MTERF4: variants seen among roughly 807,000 people sequenced by gnomAD.
MTERF4 encodes mitochondrial transcription termination factor 4.
A neutral mutation model predicts 22.5 loss-of-function variants in MTERF4; 17 were observed. The ratio of observed to expected loss-of-function variants is 0.75; its 90% CI spans 0.52 to 1.13. The LOEUF is 1.13. MTERF4 is among the 50% of genes most tolerant of loss of function. MTERF4 has a pLI of 0.00. For missense variants in MTERF4, 420 were observed against 466.8 expected, an observed-to-expected ratio of 0.90 and a Z score of 0.92; for synonymous variants, 165 against 175.3, an observed-to-expected ratio of 0.94 and a Z score of 0.47.
the MTERF4 span, among the ~76,000 whole-genome samples, chr2:241,056,426 A>G: frequency 6.6e-6 from 1 of 151,966 alleles, no homozygotes; most frequent in Non-Finnish European, 1.5e-5. Context: ...GAAATGAATA[A>G]ATTGGATAGG....
At chr2:241,063,961 C>A in the MTERF4 span, 1 of 1,324,064 alleles carries the variant, frequency 7.6e-7, no homozygotes, top group Non-Finnish European at 1.1e-6. Flanking sequence ...TCTCCTCCCT[C>A]CCCCAGACTC....
the MTERF4 span, chr2:241,051,899 G>A: frequency 1.2e-4 from 179 of 1,505,708 alleles, no homozygotes; most frequent in Non-Finnish European, 1.5e-4. This position sits in a 1 kb window ranked among gnomAD's most constrained non-coding sequence, Gnocchi z 4.7. Context: ...CAGGAACGAC[G>A]GGCCAGCCCT....
Position 241,095,728 on chromosome 2 carries a change from G to A in MTERF4, c.*270C>T, listed in dbSNP as rs74420864. ...AATTGTTGATATATTGAGTCCCCTT[G>A]ATGTGAATAGCTCAACATAAGTATC... is the stretch of plus-strand genomic sequence containing the variant. On this transcript the variant is annotated 3_prime_UTR_variant, in exon 4 of 4. Coordinates refer to ENST00000391980, the MANE Select transcript of MTERF4 (RefSeq NM_182501.4). The A allele has an allele frequency of 3.4e-4, 163 of 476,822 alleles. 1 individual carries two copies. In the East Asian group the frequency reaches 5.3e-3, roughly 15 times the overall value. The allele number at this position is 476,822 out of a possible 1,614,324, so 29.5% of individuals were successfully genotyped here.
the MTERF4 span, chr2:241,048,658 G>T: frequency 5.0e-6 from 8 of 1,606,310 alleles, no homozygotes; most frequent in Non-Finnish European, 5.1e-6. Context: ...TCTCTTCGTG[G>T]CAGGAGTCCC....
In MTERF4 at chr2:241,073,291, G is replaced by C; in HGVS notation, n.2871C>G. ...AACCCACAGCCTCGGCGCAGCTCGA[G>C]AACATGGAGGAAGCCCCCAAGCGGG... On this transcript the variant is annotated non_coding_transcript_exon_variant, in exon 5 of 5. Coordinates refer to the MTERF4 transcript ENST00000464344. The surrounding 1 kb of genome is among the most constrained non-coding windows in gnomAD (Gnocchi z 6.6). 1 of 1,565,862 alleles carries C rather than the reference G, an allele frequency of 6.4e-7. No homozygotes were observed. Among genetic ancestry groups the C allele is most frequent in the Non-Finnish European group, 8.6e-7 (1 of 1,156,576 alleles).
chr2:241,048,320 C>A, the MTERF4 span: 2 of 1,600,908 alleles, frequency 1.2e-6, no homozygotes, highest in African/African-American at 1.3e-5. Context: ...TGCAGGAGAC[C>A]ATCCAGTGCC....
At chr2:241,049,579 C>A in the MTERF4 span, among the ~76,000 whole-genome samples, 1 of 152,168 alleles carries the variant, frequency 6.6e-6, no homozygotes, top group South Asian at 2.1e-4. Context: ...ACAGCTCAGT[C>A]CTGCCTCGTA....
At chr2:241,052,024 C>G in the MTERF4 span, 1 of 1,610,722 alleles carries the variant, frequency 6.2e-7, no homozygotes, top group Non-Finnish European at 8.5e-7. Context: ...TGACCCTGAC[C>G]TGGCTTCTGT....
chr2:241,051,411 C>T, the MTERF4 span: 14 of 259,318 alleles, frequency 5.4e-5, no homozygotes, highest in Non-Finnish European at 2.2e-5. The surrounding 1 kb of genome is among the most constrained non-coding windows in gnomAD (Gnocchi z 4.7). Context: ...GGGGAATGCC[C>T]GTGTGCAGGA....
downstream of MTERF4, chr2:241,071,360 G>A: frequency 1.7e-6 from 1 of 604,750 alleles, no homozygotes; most frequent in Non-Finnish European, 3.0e-6. Flanking sequence ...GGCTGCGCAT[G>A]GCTCCTCCTC....
the MTERF4 span, among the ~76,000 whole-genome samples, chr2:241,066,266 G>C: frequency 2.0e-5 from 3 of 152,196 alleles, no homozygotes; most frequent in South Asian, 6.2e-4. Context: ...CCGTGTCGGG[G>C]AGCAGAAGAT....
chr2:241,065,042 G>GC, the MTERF4 span: 1 of 1,087,776 alleles, frequency 9.2e-7, no homozygotes. Flanking sequence ...AGGGCAGAGC[G>GC]TCTGGCCGCT....
the MTERF4 span, chr2:241,065,585 G>A: frequency 1.2e-6 from 2 of 1,611,926 alleles, no homozygotes; most frequent in Non-Finnish European, 1.7e-6. Context: ...CCGTGCTGCT[G>A]GCCCGCACGC....
At chr2:241,047,765 G>T in the MTERF4 span, among the ~76,000 whole-genome samples, 1 of 151,968 alleles carries the variant, frequency 6.6e-6, no homozygotes. Context: ...GGTGCTTCTT[G>T]TTCTATCCAA....
At chr2:241,091,396 A>G (rs1379246110), downstream of MTERF4, among the ~76,000 whole-genome samples, 2 of 124,130 alleles carry the variant, frequency 1.6e-5, no homozygotes, top group Non-Finnish European at 3.1e-5. The surrounding 1 kb of genome is among the most constrained non-coding windows in gnomAD (Gnocchi z 4.1). Context: ...ATGGGGATGT[A>G]GTCGGTGGAG....
the MTERF4 span, chr2:241,065,330 G>C: frequency 1.2e-6 from 2 of 1,612,950 alleles, no homozygotes; most frequent in South Asian, 2.2e-5. Context: ...TCAAGATGGA[G>C]AGAGTGGAGG....
intron 4 of MTERF4, among the ~76,000 whole-genome samples, chr2:241,082,059 A>G (rs2063353723): frequency 6.6e-6 from 1 of 152,184 alleles, no homozygotes; most frequent in South Asian, 2.1e-4. Flanking sequence ...ACCCAGCCAG[A>G]GCGGTGTCAG....
downstream of MTERF4, chr2:241,071,615 G>A (rs1355918461): frequency 6.3e-7 from 1 of 1,587,826 alleles, no homozygotes; most frequent in Non-Finnish European, 8.5e-7. Context: ...CACCAGGGAG[G>A]ACACCACCCT....
At chr2:241,069,907 C>T, downstream of MTERF4, 1 of 1,610,204 alleles carries the variant, frequency 6.2e-7, no homozygotes, top group Non-Finnish European at 8.5e-7. This position sits in a 1 kb window ranked among gnomAD's most constrained non-coding sequence, Gnocchi z 4.9. Flanking sequence ...CTCCCTGCTC[C>T]TGCCTCATCC....
Sources: allele counts gnomAD v4.1 joint callset (sites outside exome capture counted in the v4.1 genomes callset), GRCh38; gene constraint gnomAD v4.1.1; non-coding constraint Gnocchi (gnomAD v3.1); transcripts MANE v1.5; gene names NCBI Gene and HGNC (gene_info 2026-07-23, HGNC 2026-07-21).